FAM135B: variants seen among roughly 807,000 people sequenced by gnomAD.
The protein encoded by FAM135B is family with sequence similarity 135 member B, also known as protein FAM135B.
Under a neutral mutation model 127.7 loss-of-function variants are expected in FAM135B, and 43 were observed. That is an observed-to-expected ratio of 0.34 (90% CI 0.26 to 0.43). The LOEUF (loss-of-function observed/expected upper bound fraction) is 0.43, where lower values mean the gene tolerates loss of function less well. FAM135B is among the 20% of genes least tolerant of loss of function. The probability of loss-of-function intolerance (pLI) is 1.00; values close to 1 mark genes in which losing one functional copy is unlikely to be tolerated. For synonymous variants in FAM135B, 670 were observed against 665.1 expected (o/e 1.01, Z -0.11); for missense variants, 1,558 against 1,725.6 (o/e 0.90, Z 1.72).
At chr8:138,302,921 A>C (rs979139280) in intron 3 of FAM135B, among the ~76,000 whole-genome samples, 3 of 152,248 alleles carry the variant, frequency 2.0e-5, no homozygotes, top group Admixed American at 2.0e-4. Flanking sequence ...GGATTATTAA[A>C]AAGTCAGGAA....
intron 1 of FAM135B, among the ~76,000 whole-genome samples, chr8:138,379,839 G>T (rs1413667021): frequency 6.6e-6 from 1 of 152,126 alleles, no homozygotes; most frequent in African/African-American, 2.4e-5. Flanking sequence ...TCCCTGAAAG[G>T]CACTGATTCC....
In FAM135B at chr8:138,131,960, G is replaced by A. The variant is rs1457912399; in HGVS notation, c.*633C>T. On this transcript the variant is annotated 3_prime_UTR_variant, in exon 20 of 20. Transcript: ENST00000395297. ...TAACAAACTTGTATTTACCAATAGT[G>A]TCACCTTTATCCCTCTTTACCTTAA... The A allele has an allele frequency of 2.0e-5, 3 of 152,880 alleles. No homozygotes were observed. In the East Asian group the frequency reaches 5.8e-4, roughly 30 times the overall value. 9.5% of individuals were successfully genotyped at this position (152,880 alleles called of 1,614,324 possible).
intron 7 of FAM135B, among the ~76,000 whole-genome samples, chr8:138,224,691 T>C (rs1247973907): frequency 6.6e-6 from 1 of 152,196 alleles, no homozygotes; most frequent in Admixed American, 6.5e-5. Context: ...AAAGTTCGTA[T>C]GTTGAAGTCT....
chr8:138,354,432 C>T (rs989523818), intron 2 of FAM135B, among the ~76,000 whole-genome samples: 1 of 152,262 alleles, frequency 6.6e-6, no homozygotes, highest in East Asian at 1.9e-4. Flanking sequence ...TGCCTGAGAC[C>T]CCCTTCCAGT....
At chr8:138,280,584 T>A (rs1824188929) in intron 3 of FAM135B, among the ~76,000 whole-genome samples, 1 of 152,132 alleles carries the variant, frequency 6.6e-6, no homozygotes, top group African/African-American at 2.4e-5. Flanking sequence ...TCTGTATGAG[T>A]TCCTTAGAGT....
chr8:138,198,932 G>A (rs547204049), intron 7 of FAM135B, among the ~76,000 whole-genome samples: 24 of 152,186 alleles, frequency 1.6e-4, no homozygotes, highest in Non-Finnish European at 2.8e-4. Flanking sequence ...TCACATGGCC[G>A]TGACGGGAGG....
intron 2 of FAM135B, among the ~76,000 whole-genome samples, chr8:138,356,783 C>G (rs1208231136): frequency 6.6e-6 from 1 of 152,092 alleles, no homozygotes; most frequent in African/African-American, 2.4e-5. Flanking sequence ...CCACGGAAAC[C>G]CTTACATCAG....
rs199997922 is a variant in FAM135B at position 138,141,293 on chromosome 8, C to T, written c.3695G>A (p.Arg1232Gln). The T allele has an allele frequency of 3.7e-6, 6 of 1,614,040 alleles. No homozygotes were observed. Among genetic ancestry groups the T allele is most frequent in the Non-Finnish European group, 5.1e-6 (6 of 1,180,004 alleles). Residue 1232 changes from arginine (R) to glutamine (Q), a missense_variant, in exon 17 of 20, where the codon CGG becomes CAG. Arg to Gln is a conservative substitution (Grantham distance 43). This residue lies in a region of FAM135B where 194 missense variants were observed against 333.8 expected (regional missense o/e 0.58). Coordinates refer to ENST00000395297, the MANE Select transcript of FAM135B (RefSeq NM_015912.4). The surrounding 1 kb of genome is among the most constrained non-coding windows in gnomAD (Gnocchi z 4.7). ...GAGTTTGTTGAGGTAATACCGGAAC[C>T]GGGGCCGTGTGAGGACCGATCGGAT... ...IIIRSVLTRP[R>Q]FRYYLNKLHT...
Position 138,152,764 on chromosome 8 carries a change from C to A in FAM135B, c.1711G>T (p.Ala571Ser), listed in dbSNP as rs145591171. 6.2e-7 allele frequency: 1 copy of A among 1,614,192 alleles called. No homozygotes were observed. The highest frequency in any genetic ancestry group is 8.5e-7 in the Non-Finnish European group (1 of 1,180,026). ...KNPSRAEPLVAFNAQHESRSS... is the reference protein window; with the variant it reads ...KNPSRAEPLVSFNAQHESRSS... ...CTACTCTCATGCTGAGCATTGAAGG[C>A]CACCAGGGGTTCAGCTCTGGAGGGG... Residue 571 changes from alanine to serine, a missense_variant, in exon 13 of 20, where the codon GCC becomes TCC. Around this residue, in one of 5 missense-constraint regions of FAM135B, gnomAD observed 923 missense variants for 865.3 expected, o/e 1.07. Coordinates refer to ENST00000395297, the MANE Select transcript of FAM135B (RefSeq NM_015912.4).
At chr8:138,468,931 G>T (rs1587527155) in intron 1 of FAM135B, among the ~76,000 whole-genome samples, 1 of 152,124 alleles carries the variant, frequency 6.6e-6, no homozygotes. Context: ...TGTAATTCCA[G>T]CTACTCGGAA....
intron 1 of FAM135B, among the ~76,000 whole-genome samples, chr8:138,479,558 G>A (rs573033316): frequency 9.9e-5 from 15 of 152,236 alleles, no homozygotes; most frequent in South Asian, 2.1e-4. Context: ...GGAGCTCTGC[G>A]TCCATAACTG....
intron 17 of FAM135B, 89 bp from the exon 18 acceptor site, chr8:138,139,185 C>G: frequency 1.3e-6 from 1 of 780,958 alleles, no homozygotes; most frequent in Non-Finnish European, 2.2e-6. Context: ...GAACGTTAAA[C>G]TGAATTTTAG....
intron 2 of FAM135B, among the ~76,000 whole-genome samples, chr8:138,323,519 G>A (rs890678140): frequency 2.6e-5 from 4 of 152,210 alleles, no homozygotes. Context: ...GCTTTCTCCA[G>A]CCATGAGTAT....
intron 1 of FAM135B, among the ~76,000 whole-genome samples, chr8:138,434,604 T>C (rs1023348267): frequency 9.2e-5 from 14 of 152,160 alleles, no homozygotes; most frequent in African/African-American, 2.7e-4. Context: ...AAAAATATGG[T>C]ATTAGGCCAA....
At chr8:138,268,720 C>G (rs1008007099) in intron 3 of FAM135B, among the ~76,000 whole-genome samples, 7 of 152,170 alleles carry the variant, frequency 4.6e-5, no homozygotes, top group Non-Finnish European at 7.3e-5. Flanking sequence ...CTCTCTCTGC[C>G]CTTAAAGACT....
intron 1 of FAM135B, among the ~76,000 whole-genome samples, chr8:138,419,624 C>A (rs558870207): frequency 6.6e-6 from 1 of 152,056 alleles, no homozygotes; most frequent in Non-Finnish European, 1.5e-5. Context: ...CAATTCTCAA[C>A]AAATTTTTAA....
intron 2 of FAM135B, among the ~76,000 whole-genome samples, chr8:138,317,668 G>T (rs944426879): frequency 6.6e-6 from 1 of 152,228 alleles, no homozygotes; most frequent in African/African-American, 2.4e-5. Flanking sequence ...AAAGGATAAG[G>T]CTCCATACCA....
chr8:138,466,846 A>G (rs536405338), intron 1 of FAM135B, among the ~76,000 whole-genome samples: 12 of 152,350 alleles, frequency 7.9e-5, no homozygotes, highest in Admixed American at 3.3e-4. Flanking sequence ...TCCTTTCCTG[A>G]ATAAGTATAG....
chr8:138,434,940 A>G (rs972820628), intron 1 of FAM135B, among the ~76,000 whole-genome samples: 3 of 152,204 alleles, frequency 2.0e-5, no homozygotes, highest in Non-Finnish European at 4.4e-5. Context: ...GCTACTGAAT[A>G]CAAGTTTCCT....
Sources: allele counts gnomAD v4.1 joint callset (sites outside exome capture counted in the v4.1 genomes callset), GRCh38; gene constraint gnomAD v4.1.1; regional missense constraint gnomAD v4.1.1; non-coding constraint Gnocchi (gnomAD v3.1); transcripts MANE v1.5; gene names NCBI Gene and HGNC (gene_info 2026-07-23, HGNC 2026-07-21).